The following DLGAP2 variants were observed in gnomAD, a reference collection of about 807,000 sequenced individuals.
DLGAP2 encodes DLG associated protein 2, also known as disks large-associated protein 2.
In DLGAP2, 26 loss-of-function variants were observed where a neutral mutation model predicts 100.3. The observed-to-expected ratio is 0.26, with a 90% CI of 0.19 to 0.36. The LOEUF is 0.36. DLGAP2 is among the 10% of genes least tolerant of loss of function. The probability of loss-of-function intolerance (pLI) is 1.00; values close to 1 mark genes in which losing one functional copy is unlikely to be tolerated. For synonymous variants in DLGAP2, 886 were observed against 630.1 expected, an observed-to-expected ratio of 1.41 and a Z score of -6.08; for missense variants, 1,858 against 1,453.2, an observed-to-expected ratio of 1.28 and a Z score of -4.53.
chr8:1,318,419 G>C (rs958896328), intron 3 of DLGAP2, among the ~76,000 whole-genome samples: 11 of 151,050 alleles, frequency 7.3e-5, no homozygotes, highest in African/African-American at 2.2e-4. Context: ...AGTTCACCCA[G>C]ATTGTTAGTG....
intron 2 of DLGAP2, among the ~76,000 whole-genome samples, chr8:1,115,217 A>G (rs1345267777): frequency 6.6e-6 from 1 of 152,214 alleles, no homozygotes; most frequent in African/African-American, 2.4e-5. Flanking sequence ...ATTTGGTCCA[A>G]TGTGGAGTTC....
At chr8:744,777 A>G (rs767062789) in intron 1 of DLGAP2, among the ~76,000 whole-genome samples, 10 of 152,194 alleles carry the variant, frequency 6.6e-5, no homozygotes, top group Admixed American at 1.3e-4. Context: ...GGCTTCACCC[A>G]CACTGGACGG....
intron 3 of DLGAP2, chr8:1,297,272 A>G (rs924131960): frequency 1.3e-5 from 2 of 152,404 alleles, no homozygotes; most frequent in African/African-American, 2.4e-5. Context: ...ATCTTAACAC[A>G]TGTAAACGTA....
chr8:882,226 G>A (rs1204822072), intron 1 of DLGAP2, among the ~76,000 whole-genome samples: 1 of 136,474 alleles, frequency 7.3e-6, no homozygotes, highest in African/African-American at 2.7e-5. Flanking sequence ...AATTTAGTTA[G>A]CACATCATCA....
rs182626183 is a variant in DLGAP2 at position 1,590,374 on chromosome 8, G to A, written c.1442+24480G>A. Among the ~76,000 whole-genome samples, 328 of 152,274 alleles carry A rather than the reference G, an allele frequency of 2.2e-3. 4 individuals are homozygous for A. Among genetic ancestry groups the A allele is most frequent in the Non-Finnish European group, 2.2e-3 (147 of 68,032 alleles). On this transcript the variant is annotated intron_variant, in intron 6 of 14. Coordinates refer to ENST00000637795, the MANE Select transcript of DLGAP2 (RefSeq NM_001346810.2). ...CACCCCTCTATCTTGGTAATTATCA[G>A]ACACTGTTTCTGAAACTTATTTCCA...
chr8:1,289,395 C>G (rs1158069905), intron 3 of DLGAP2, among the ~76,000 whole-genome samples: 1 of 152,220 alleles, frequency 6.6e-6, no homozygotes, highest in African/African-American at 2.4e-5. Flanking sequence ...CTCAATTCCA[C>G]TGTTAGTTCA....
At chr8:1,625,083 A>T (rs1797458199) in intron 6 of DLGAP2, among the ~76,000 whole-genome samples, 1 of 152,232 alleles carries the variant, frequency 6.6e-6, no homozygotes, top group Non-Finnish European at 1.5e-5. Context: ...AGTAAATCAG[A>T]GAAAAACCAC....
chr8:1,314,933 C>A (rs992281143), intron 3 of DLGAP2, among the ~76,000 whole-genome samples: 2 of 152,226 alleles, frequency 1.3e-5, no homozygotes, highest in Non-Finnish European at 2.9e-5. Context: ...TGTGCCCTAC[C>A]GGGGAAGGCG....
At chr8:1,225,028 G>A (rs1020618759) in intron 2 of DLGAP2, among the ~76,000 whole-genome samples, 2 of 152,232 alleles carry the variant, frequency 1.3e-5, no homozygotes, top group Admixed American at 6.5e-5. Context: ...GTGGAAAAGA[G>A]TTTAAGTTTT....
At chr8:1,410,291 C>G (rs113850651) in intron 3 of DLGAP2, among the ~76,000 whole-genome samples, 1 of 152,300 alleles carries the variant, frequency 6.6e-6, no homozygotes, top group Non-Finnish European at 1.5e-5. Context: ...AATAGTGACA[C>G]GGAAGGTAAC....
chr8:1,337,348 A>G (rs59924039), intron 3 of DLGAP2, among the ~76,000 whole-genome samples: 1 of 8,258 alleles, frequency 1.2e-4, no homozygotes, highest in Non-Finnish European at 2.6e-4. Context: ...AATAGTGAGG[A>G]TGATGGGGGT....
At chr8:1,360,925 G>A (rs1338865470) in intron 3 of DLGAP2, among the ~76,000 whole-genome samples, 3 of 152,178 alleles carry the variant, frequency 2.0e-5, no homozygotes, top group Admixed American at 6.5e-5. Context: ...GCCTCTCATC[G>A]CTCACGTGTT....
chr8:1,219,290 C>T (rs902366316), intron 2 of DLGAP2, among the ~76,000 whole-genome samples: 15 of 152,056 alleles, frequency 9.9e-5, no homozygotes, highest in South Asian at 2.1e-4. Context: ...GAGATAAGTT[C>T]CTCTGATGAC....
intron 4 of DLGAP2, among the ~76,000 whole-genome samples, chr8:1,543,890 T>C (rs565276501): frequency 1.3e-5 from 2 of 151,828 alleles, no homozygotes; most frequent in South Asian, 4.2e-4. Context: ...TGTACGAATC[T>C]TTCACGTCCT....
At chr8:1,408,738 C>T (rs1796645300) in intron 3 of DLGAP2, among the ~76,000 whole-genome samples, 2 of 152,142 alleles carry the variant, frequency 1.3e-5, no homozygotes, top group African/African-American at 4.8e-5. Flanking sequence ...GAAAGCAGAA[C>T]CCGGGAAAGC....
chr8:1,180,532 G>T (rs1039863161), intron 2 of DLGAP2, among the ~76,000 whole-genome samples: 1 of 150,554 alleles, frequency 6.6e-6, no homozygotes, highest in Non-Finnish European at 1.5e-5. Flanking sequence ...ATTATCTGTT[G>T]TAATTTCACA....
At chr8:1,521,969 G>C (rs1035483052) in intron 4 of DLGAP2, among the ~76,000 whole-genome samples, 18 of 147,268 alleles carry the variant, frequency 1.2e-4, no homozygotes, top group African/African-American at 4.1e-4. Flanking sequence ...CAGCTGATAT[G>C]GGGCGTCTCT....
intron 12 of DLGAP2, among the ~76,000 whole-genome samples, chr8:1,681,851 C>A (rs2469709): frequency 6.7e-6 from 1 of 149,932 alleles, no homozygotes; most frequent in Non-Finnish European, 1.5e-5. Context: ...TGACCCGGGA[C>A]TGGGAGTCAC....
intron 12 of DLGAP2, among the ~76,000 whole-genome samples, chr8:1,684,325 A>G (rs1018723546): frequency 9.2e-5 from 14 of 152,036 alleles, no homozygotes; most frequent in African/African-American, 3.4e-4. Flanking sequence ...TGTTTTGTCC[A>G]TAAAACTAGC....
Sources: allele counts gnomAD v4.1 joint callset (sites outside exome capture counted in the v4.1 genomes callset), GRCh38; gene constraint gnomAD v4.1.1; transcripts MANE v1.5; gene names NCBI Gene and HGNC (gene_info 2026-07-23, HGNC 2026-07-21).